ITGA9: variants seen among roughly 807,000 people sequenced by gnomAD.
ITGA9 encodes the protein integrin alpha-9.
A neutral mutation model predicts 127.8 loss-of-function variants in ITGA9; 56 were observed. The observed-to-expected ratio is 0.44, with a 90% CI of 0.35 to 0.55. ITGA9 has a LOEUF of 0.55. Among genes scored for constraint, ITGA9 ranks in the 20% least tolerant of loss-of-function variants. The pLI, the probability that ITGA9 is intolerant of heterozygous loss-of-function variation, is 0.00. For missense variants in ITGA9, 1,196 were observed against 1,347.1 expected (o/e 0.89, Z 1.76); for synonymous variants, 508 against 514.5 (o/e 0.99, Z 0.17).
chr3:37,474,325 TAA>T (rs1698468060), intron 3 of ITGA9, among the ~76,000 whole-genome samples: 1 of 152,226 alleles, frequency 6.6e-6, no homozygotes, highest in African/African-American at 2.4e-5. Flanking sequence ...TAGCCACATT[TAA>T]GTGGCTCAAT....
chr3:37,489,469 C>G (rs1166555663), intron 4 of ITGA9, among the ~76,000 whole-genome samples: 1 of 152,154 alleles, frequency 6.6e-6, no homozygotes, highest in Admixed American at 6.6e-5. Context: ...AGATCTTTTC[C>G]CCTTTTAAAA....
intron 18 of ITGA9, among the ~76,000 whole-genome samples, chr3:37,693,553 C>T (rs978032146): frequency 2.0e-5 from 3 of 152,128 alleles, no homozygotes; most frequent in African/African-American, 4.8e-5. Context: ...CAAGGCAAAC[C>T]GCTCAAGATG....
intron 15 of ITGA9, among the ~76,000 whole-genome samples, chr3:37,626,724 T>C (rs554867497): frequency 4.6e-5 from 7 of 152,214 alleles, no homozygotes; most frequent in South Asian, 2.1e-4. Flanking sequence ...TCAGGTATTG[T>C]AAGGATTAAG....
At chr3:37,708,675 A>C (rs1559574504) in intron 18 of ITGA9, among the ~76,000 whole-genome samples, 3 of 152,306 alleles carry the variant, frequency 2.0e-5, no homozygotes, top group Non-Finnish European at 4.4e-5. Flanking sequence ...ACAGCTCCCC[A>C]TACAACAAAG....
At chr3:37,454,012 C>T (rs1184268120) in intron 1 of ITGA9, among the ~76,000 whole-genome samples, 1 of 152,158 alleles carries the variant, frequency 6.6e-6, no homozygotes, top group Admixed American at 6.5e-5. Flanking sequence ...TTTCTGTGTC[C>T]TGCAGACTCA....
At chr3:37,585,585 G>T (rs1559542570) in intron 15 of ITGA9, 2 of 511,508 alleles carry the variant, frequency 3.9e-6, no homozygotes, top group South Asian at 2.8e-5. Flanking sequence ...AATTATGGGG[G>T]TTTTATCTCC....
intron 27 of ITGA9, among the ~76,000 whole-genome samples, chr3:37,810,250 G>C (rs1429246037): frequency 6.6e-6 from 1 of 152,204 alleles, no homozygotes; most frequent in Non-Finnish European, 1.5e-5. Context: ...GAGCAGAGCA[G>C]CTGGCCATGC....
intron 17 of ITGA9, among the ~76,000 whole-genome samples, chr3:37,672,725 C>G (rs549127464): frequency 3.3e-5 from 5 of 152,188 alleles, no homozygotes; most frequent in African/African-American, 1.2e-4. Context: ...AGGGGATTAC[C>G]TATGTTTATC....
Position 37,629,432 on chromosome 3 carries a change from C to A in ITGA9, c.1839+96C>A. On this transcript the variant is annotated intron_variant, in intron 16 of 27. Transcript: ENST00000264741. This position sits in a 1 kb window ranked among gnomAD's most constrained non-coding sequence, Gnocchi z 4.5. ...GTTGAGAGAGCCGTGGGCCTGGCTG[C>A]TCAGGAGACCGCAGCCAGGACACAC... 7.2e-7 allele frequency: 1 copy of A among 1,380,156 alleles called. No homozygotes were observed. Among genetic ancestry groups the A allele is most frequent in the Non-Finnish European group, 1.0e-6 (1 of 989,950 alleles). The allele number at this position is 1,380,156 out of a possible 1,614,324, so 85.5% of individuals were successfully genotyped here. A position where few individuals can be genotyped will look rare whatever the true frequency, so the allele number is the denominator to read the frequency against.
At chr3:37,530,933 A>C (rs1026793436) in intron 13 of ITGA9, among the ~76,000 whole-genome samples, 4 of 151,310 alleles carry the variant, frequency 2.6e-5, no homozygotes, top group African/African-American at 9.7e-5. Context: ...TTGTATTTTT[A>C]GTAGAGACAG....
At chr3:37,569,186 G>C (rs993841444) in intron 15 of ITGA9, among the ~76,000 whole-genome samples, 1 of 152,258 alleles carries the variant, frequency 6.6e-6, no homozygotes, top group South Asian at 2.1e-4. Flanking sequence ...GTCTTACATG[G>C]GTGGCAGCAG....
chr3:37,745,681 A>T (rs1348351014), intron 22 of ITGA9: 1 of 152,248 alleles, frequency 6.6e-6, no homozygotes, highest in African/African-American at 2.4e-5. Flanking sequence ...TGCACAGAAT[A>T]TACCAAATGT....
At chr3:37,648,256 T>G (rs1306624787) in intron 16 of ITGA9, among the ~76,000 whole-genome samples, 2 of 152,194 alleles carry the variant, frequency 1.3e-5, no homozygotes, top group Non-Finnish European at 2.9e-5. Context: ...TGACTTCGAT[T>G]TGAATTTCCC....
At chr3:37,521,465 C>A (rs982387625) in intron 11 of ITGA9, among the ~76,000 whole-genome samples, 1 of 152,206 alleles carries the variant, frequency 6.6e-6, no homozygotes, top group Non-Finnish European at 1.5e-5. Flanking sequence ...AATGTGAGAG[C>A]CCTCTGGGCA....
At chr3:37,696,993 A>G (rs1190453358) in intron 18 of ITGA9, among the ~76,000 whole-genome samples, 1 of 152,194 alleles carries the variant, frequency 6.6e-6, no homozygotes, top group Non-Finnish European at 1.5e-5. Flanking sequence ...AACCAGGGCG[A>G]GATATCCAGG....
intron 20 of ITGA9, among the ~76,000 whole-genome samples, chr3:37,737,454 G>C (rs112610744): frequency 5.8e-4 from 88 of 152,344 alleles, no homozygotes; most frequent in Non-Finnish European, 8.2e-4. Context: ...CCCAAGAGAT[G>C]CTACTCAAGA....
At chr3:37,656,106 T>C (rs1455894044) in intron 17 of ITGA9, among the ~76,000 whole-genome samples, 2 of 152,210 alleles carry the variant, frequency 1.3e-5, no homozygotes, top group East Asian at 3.8e-4. Flanking sequence ...CCTTGTAGTA[T>C]AGTTTGAAGT....
intron 15 of ITGA9, among the ~76,000 whole-genome samples, chr3:37,601,948 G>T (rs1242949675): frequency 2.0e-5 from 3 of 152,196 alleles, no homozygotes; most frequent in Non-Finnish European, 4.4e-5. Context: ...GCCATCGTGT[G>T]GAGATCACAT....
intron 15 of ITGA9, among the ~76,000 whole-genome samples, chr3:37,546,570 A>T (rs1380567270): frequency 6.6e-6 from 1 of 152,206 alleles, no homozygotes. Context: ...AGTGGCAGCT[A>T]CTGTCCTAGG....
Sources: allele counts gnomAD v4.1 joint callset (sites outside exome capture counted in the v4.1 genomes callset), GRCh38; gene constraint gnomAD v4.1.1; non-coding constraint Gnocchi (gnomAD v3.1); transcripts MANE v1.5; gene names NCBI Gene and HGNC (gene_info 2026-07-23, HGNC 2026-07-21).